Variants in CADPS2 observed in about 807,000 individuals in gnomAD.
CADPS2 encodes the protein calcium dependent secretion activator 2.
A neutral mutation model predicts 172.5 loss-of-function variants in CADPS2; 93 were observed. The ratio of observed to expected loss-of-function variants is 0.54; its 90% confidence interval spans 0.46 to 0.64. The LOEUF is 0.64. CADPS2 is among the 30% of genes least tolerant of loss of function. The pLI is 0.00. For synonymous variants in CADPS2, 546 were observed against 555.2 expected, an observed-to-expected ratio of 0.98 and a Z score of 0.23; for missense variants, 1,420 against 1,565.9, an observed-to-expected ratio of 0.91 and a Z score of 1.57.
rs1268912832 is a variant in CADPS2 at position 122,725,405 on chromosome 7, G to GGATA, written c.453+11546_453+11549dup. ...TGTATATGTGGATGGATGGATGGAT[G>GGATA]GATAGATTGATTGATTTAGGGGGTA... On this transcript the variant is annotated intron_variant, in intron 2 of 29. Transcript: ENST00000449022. 4.0e-5 allele frequency among the ~76,000 whole-genome samples: 6 copies of GGATA among 151,870 alleles called. No individual in the cohort carries two copies. The South Asian group carries it at 1.2e-3, about 31-fold the overall frequency.
chr7:122,862,205 G>T (rs1817118616), intron 1 of CADPS2, among the ~76,000 whole-genome samples: 1 of 152,152 alleles, frequency 6.6e-6, no homozygotes, highest in South Asian at 2.1e-4. Context: ...CTGTACTTTG[G>T]AATAGTGATT....
chr7:122,355,064 T>C (rs892105850), intron 27 of CADPS2, among the ~76,000 whole-genome samples: 1 of 152,214 alleles, frequency 6.6e-6, no homozygotes, highest in Non-Finnish European at 1.5e-5. Context: ...TAAAGTGTCA[T>C]GAGAAGTATA....
At chr7:122,862,211 T>C (rs1257349951) in intron 1 of CADPS2, among the ~76,000 whole-genome samples, 1 of 152,220 alleles carries the variant, frequency 6.6e-6, no homozygotes, top group Non-Finnish European at 1.5e-5. Flanking sequence ...TTTGGAATAG[T>C]GATTCTCAAA....
At chr7:122,660,310 G>T (rs991784605) in intron 3 of CADPS2, among the ~76,000 whole-genome samples, 15 of 152,186 alleles carry the variant, frequency 9.9e-5, no homozygotes, top group South Asian at 6.2e-4. Context: ...TTATCTGATG[G>T]TAGGCTTAGA....
intron 2 of CADPS2, among the ~76,000 whole-genome samples, chr7:122,685,920 C>T (rs2083561889): frequency 6.6e-6 from 1 of 152,182 alleles, no homozygotes. Context: ...CCTACATACA[C>T]TCCCAATGCC....
At chr7:122,328,867 G>A in intron 28 of CADPS2, among the ~76,000 whole-genome samples, 1 of 152,084 alleles carries the variant, frequency 6.6e-6, no homozygotes. Flanking sequence ...GCCCTGGGAA[G>A]GTTCAACAAA....
intron 1 of CADPS2, among the ~76,000 whole-genome samples, chr7:122,748,835 T>C (rs1212786527): frequency 6.6e-6 from 1 of 151,942 alleles, no homozygotes; most frequent in African/African-American, 2.4e-5. Flanking sequence ...TCACTGAAAG[T>C]AATAGAATCC....
rs576022684 is a variant in CADPS2 at position 122,563,478 on chromosome 7, A to C, written c.1336-8789T>G. On this transcript the variant is annotated intron_variant, in intron 7 of 29. Coordinates refer to ENST00000449022, the MANE Select transcript of CADPS2 (RefSeq NM_017954.11). ...ATTTTGTTATGTAAACTTGGCACTG[A>C]AGTTAAATAAATATCTAGAGGCAAA... 3.8e-4 allele frequency among the ~76,000 whole-genome samples: 58 copies of C among 152,302 alleles called. No individual in the cohort carries two copies. The South Asian group carries it at 0.011, about 28-fold the overall frequency.
At chr7:122,876,509 G>T (rs1184089654) in intron 1 of CADPS2, among the ~76,000 whole-genome samples, 2 of 151,966 alleles carry the variant, frequency 1.3e-5, no homozygotes, top group African/African-American at 4.8e-5. Flanking sequence ...ACACAGGCAT[G>T]AGTCGCCATG....
chr7:122,639,183 A>C (rs191161949), intron 3 of CADPS2, among the ~76,000 whole-genome samples: 103 of 152,362 alleles, frequency 6.8e-4, no homozygotes, highest in African/African-American at 2.5e-3. Context: ...TTAGAATTGA[A>C]GGGGATAAAT....
intron 12 of CADPS2, among the ~76,000 whole-genome samples, chr7:122,475,067 T>G (rs2056470796): frequency 1.3e-5 from 2 of 152,178 alleles, no homozygotes; most frequent in Admixed American, 1.3e-4. Context: ...AGCATCATGT[T>G]TGCGCAAATA....
intron 1 of CADPS2, among the ~76,000 whole-genome samples, chr7:122,815,325 C>T (rs1801047137): frequency 6.6e-6 from 1 of 152,090 alleles, no homozygotes. Flanking sequence ...AAGAAATGTG[C>T]CTAGGTCCCA....
intron 1 of CADPS2, among the ~76,000 whole-genome samples, chr7:122,819,604 C>T (rs1802526711): frequency 6.8e-6 from 1 of 147,042 alleles, no homozygotes; most frequent in African/African-American, 2.5e-5. Context: ...TTAAAACTCC[C>T]CAACTCTGGT....
intron 2 of CADPS2, among the ~76,000 whole-genome samples, chr7:122,724,924 G>C (rs1197832279): frequency 6.6e-6 from 1 of 151,906 alleles, no homozygotes; most frequent in Non-Finnish European, 1.5e-5. Flanking sequence ...TACGATTACA[G>C]AGAAAAGCAA....
intron 20 of CADPS2, among the ~76,000 whole-genome samples, chr7:122,403,620 TA>T (rs1250549789): frequency 6.6e-6 from 1 of 152,208 alleles, no homozygotes; most frequent in Non-Finnish European, 1.5e-5. Flanking sequence ...TTACATTTTA[TA>T]GTTAGAATTA....
intron 1 of CADPS2, among the ~76,000 whole-genome samples, chr7:122,825,237 G>C (rs1237457149): frequency 6.6e-6 from 1 of 152,142 alleles, no homozygotes; most frequent in African/African-American, 2.4e-5. Context: ...AATCCCATCT[G>C]TAGTATTTCC....
chr7:122,763,426 T>A (rs1198003610), intron 1 of CADPS2, among the ~76,000 whole-genome samples: 1 of 152,146 alleles, frequency 6.6e-6, no homozygotes, highest in Non-Finnish European at 1.5e-5. Flanking sequence ...CAGCAGTATA[T>A]GAATATTATT....
chr7:122,588,056 T>C (rs978364837), intron 6 of CADPS2, among the ~76,000 whole-genome samples: 3 of 152,030 alleles, frequency 2.0e-5, no homozygotes, highest in African/African-American at 7.2e-5. Flanking sequence ...TTAAATTTTT[T>C]TTCTCGTAAA....
chr7:122,687,901 TTTG>T lies in CADPS2; in HGVS notation c.454-24335_454-24333del, dbSNP rs571419459. On this transcript the variant is annotated intron_variant, in intron 2 of 29. Coordinates refer to ENST00000449022, the MANE Select transcript of CADPS2 (RefSeq NM_017954.11). ...TTAGTACTTAACATGTATCAAGCCT[TTTG>T]TTAATTTTTTACATTTATCTCATTT... Among the ~76,000 whole-genome samples, 321 of 152,320 alleles carry T rather than the reference TTTG, an allele frequency of 2.1e-3. 1 individual carries two copies. The South Asian group carries it at 0.023, about 11-fold the overall frequency.
Sources: allele counts gnomAD v4.1 joint callset (sites outside exome capture counted in the v4.1 genomes callset), GRCh38; gene constraint gnomAD v4.1.1; transcripts MANE v1.5; gene names NCBI Gene and HGNC (gene_info 2026-07-23, HGNC 2026-07-21).